Variants in ASIC2 observed in about 807,000 individuals in gnomAD.
The protein encoded by ASIC2 is acid-sensing ion channel 2.
A neutral mutation model predicts 57.3 loss-of-function variants in ASIC2; 25 were observed. The observed-to-expected ratio is 0.44, with a 90% CI of 0.32 to 0.61. The LOEUF (loss-of-function observed/expected upper bound fraction) is 0.61, where lower values mean the gene tolerates loss of function less well. ASIC2 is among the 20% of genes least tolerant of loss of function. ASIC2 has a pLI of 0.06. For missense variants in ASIC2, 641 were observed against 738.1 expected (o/e 0.87, Z 1.52); for synonymous variants, 319 against 307.5 (o/e 1.04, Z -0.39).
At chr17:33,526,602 G>A (rs1914890428) in intron 1 of ASIC2, among the ~76,000 whole-genome samples, 1 of 152,150 alleles carries the variant, frequency 6.6e-6, no homozygotes, top group South Asian at 2.1e-4. Flanking sequence ...ACTAAGAATG[G>A]GTGCTGGATT....
chr17:34,038,308 T>A, intron 1 of ASIC2: 1 of 1,609,438 alleles, frequency 6.2e-7, no homozygotes, highest in South Asian at 1.1e-5. Context: ...CACAGTATTC[T>A]AATACTGTAC....
intron 1 of ASIC2, among the ~76,000 whole-genome samples, chr17:33,406,846 T>C (rs1049448335): frequency 3.9e-5 from 6 of 152,238 alleles, no homozygotes; most frequent in African/African-American, 1.4e-4. Flanking sequence ...CAAAGGACTG[T>C]TCAGGAAACT....
At chr17:33,338,621 CA>C (rs1245303268) in intron 1 of ASIC2, among the ~76,000 whole-genome samples, 1 of 151,872 alleles carries the variant, frequency 6.6e-6, no homozygotes, top group Non-Finnish European at 1.5e-5. Flanking sequence ...GATAGCAGGA[CA>C]AAAAAATTGT....
At chr17:33,545,444 T>C (rs1475314571) in intron 1 of ASIC2, among the ~76,000 whole-genome samples, 2 of 152,186 alleles carry the variant, frequency 1.3e-5, no homozygotes, top group Non-Finnish European at 2.9e-5. Flanking sequence ...TTAGAGCTCA[T>C]TAAATGCAGC....
intron 1 of ASIC2, among the ~76,000 whole-genome samples, chr17:33,417,645 TC>T (rs953914882): frequency 3.4e-4 from 52 of 152,236 alleles, no homozygotes; most frequent in African/African-American, 1.2e-3. Flanking sequence ...AAACACACTT[TC>T]CTTTGCCATG....
intron 1 of ASIC2, among the ~76,000 whole-genome samples, chr17:33,746,191 T>C (rs979887741): frequency 1.1e-4 from 17 of 151,518 alleles, no homozygotes; most frequent in African/African-American, 4.1e-4. Context: ...TAAAGGTAAA[T>C]ATAACAAATT....
chr17:33,582,126 T>G (rs1203097947), intron 1 of ASIC2, among the ~76,000 whole-genome samples: 1 of 152,182 alleles, frequency 6.6e-6, no homozygotes, highest in Non-Finnish European at 1.5e-5. Context: ...AGTGTAGTTT[T>G]AAGCCACCGA....
intron 2 of ASIC2, among the ~76,000 whole-genome samples, chr17:33,100,782 G>T (rs1465607218): frequency 6.6e-6 from 1 of 152,134 alleles, no homozygotes; most frequent in Non-Finnish European, 1.5e-5. Context: ...ACTAAATTGG[G>T]GACATGAGGT....
chr17:33,023,016 G>C (rs891065240), intron 6 of ASIC2, among the ~76,000 whole-genome samples: 1 of 152,162 alleles, frequency 6.6e-6, no homozygotes, highest in Non-Finnish European at 1.5e-5. Flanking sequence ...CAATCCTCCT[G>C]CCTTGGCCTC....
chr17:33,518,143 C>T lies in ASIC2; in HGVS notation c.556-406076G>A, dbSNP rs575009032. On this transcript the variant is annotated intron_variant, in intron 1 of 9. Transcript: ENST00000359872. ...TCTTTTTGATTTTTTTGGAGAAGGG[C>T]TAATAGAAAATGTCCTCTTGGCTAT... Among the ~76,000 whole-genome samples the T allele has an allele frequency of 2.0e-5, 3 of 152,204 alleles. No individual in the cohort carries two copies. In the East Asian group the frequency reaches 5.8e-4, roughly 29 times the overall value.
intron 1 of ASIC2, among the ~76,000 whole-genome samples, chr17:33,942,047 G>T (rs1290818955): frequency 6.6e-6 from 1 of 152,182 alleles, no homozygotes; most frequent in Non-Finnish European, 1.5e-5. Context: ...GACAAGACTG[G>T]CAGGAAGCTA....
chr17:33,959,296 C>T (rs983477147), intron 1 of ASIC2, among the ~76,000 whole-genome samples: 1 of 152,190 alleles, frequency 6.6e-6, no homozygotes. Flanking sequence ...CTGTGGGTAT[C>T]TTTACAGTAG....
intron 1 of ASIC2, among the ~76,000 whole-genome samples, chr17:34,044,128 A>ACG (rs1202844682): frequency 8.8e-6 from 1 of 113,212 alleles, no homozygotes; most frequent in Non-Finnish European, 1.9e-5. Flanking sequence ...ACACACACGC[A>ACG]CGCACACACA....
intron 1 of ASIC2, among the ~76,000 whole-genome samples, chr17:33,546,692 G>A (rs533212814): frequency 2.1e-4 from 32 of 152,254 alleles, no homozygotes; most frequent in Middle Eastern, 3.4e-3. Flanking sequence ...CATGGGTAGG[G>A]CAATTCTGTC....
At chr17:33,553,669 T>C (rs941325326) in intron 1 of ASIC2, among the ~76,000 whole-genome samples, 1 of 152,184 alleles carries the variant, frequency 6.6e-6, no homozygotes, top group Non-Finnish European at 1.5e-5. Context: ...ATAACCTTTA[T>C]TGAGTTCTTT....
At chr17:34,083,270 G>T (rs1909968059) in intron 1 of ASIC2, among the ~76,000 whole-genome samples, 1 of 150,596 alleles carries the variant, frequency 6.6e-6, no homozygotes, top group Non-Finnish European at 1.5e-5. Context: ...AGAATATGCG[G>T]TGTTTGGTTT....
At chr17:33,857,210 G>A (rs1913983015) in intron 1 of ASIC2, among the ~76,000 whole-genome samples, 1 of 152,150 alleles carries the variant, frequency 6.6e-6, no homozygotes, top group African/African-American at 2.4e-5. Context: ...AACCAGTGCT[G>A]TCCCAGACAT....
chr17:33,331,145 A>G (rs1215844914), intron 1 of ASIC2, among the ~76,000 whole-genome samples: 1 of 152,172 alleles, frequency 6.6e-6, no homozygotes, highest in Non-Finnish European at 1.5e-5. Context: ...TGAGGGATCT[A>G]GGTTAAGCAC....
intron 1 of ASIC2, among the ~76,000 whole-genome samples, chr17:33,732,485 G>T (rs1909772515): frequency 6.7e-6 from 1 of 148,926 alleles, no homozygotes; most frequent in Non-Finnish European, 1.5e-5. Flanking sequence ...AGAGTAAGAT[G>T]CAGGCGCTAA....
Sources: allele counts gnomAD v4.1 joint callset (sites outside exome capture counted in the v4.1 genomes callset), GRCh38; gene constraint gnomAD v4.1.1; transcripts MANE v1.5; gene names NCBI Gene and HGNC (gene_info 2026-07-23, HGNC 2026-07-21).